The following SH3D19 variants were observed in gnomAD, a reference collection of about 807,000 sequenced individuals.
The protein encoded by SH3D19 is SH3 domain containing 19.
In SH3D19, 58 loss-of-function variants were observed where a neutral mutation model predicts 112.1. That is an observed-to-expected ratio of 0.52 (90% CI 0.42 to 0.64). SH3D19 has a LOEUF of 0.64. SH3D19 is among the 30% of genes least tolerant of loss of function. The pLI is 0.00. For synonymous variants in SH3D19, 391 were observed against 448.5 expected, an observed-to-expected ratio of 0.87 and a Z score of 1.62; for missense variants, 1,090 against 1,263.4, an observed-to-expected ratio of 0.86 and a Z score of 2.08.
chr4:151,135,718 C>T (rs937654864), intron 14 of SH3D19, among the ~76,000 whole-genome samples: 5 of 152,102 alleles, frequency 3.3e-5, no homozygotes, highest in Admixed American at 3.3e-4. Context: ...TGTGAGCTGC[C>T]GCACCCTGCC....
At chr4:151,148,267 A>G in intron 10 of SH3D19, 81 bp from the exon 11 acceptor site, 4 of 412,362 alleles carry the variant, frequency 9.7e-6, no homozygotes, top group Non-Finnish European at 1.5e-5. Flanking sequence ...ACACACACAC[A>G]CACACACACA....
intron 11 of SH3D19, chr4:151,144,406 T>A: frequency 1.2e-6 from 1 of 842,100 alleles, no homozygotes; most frequent in Non-Finnish European, 2.0e-6. Flanking sequence ...GCAGCTAAAC[T>A]CACCTGGCTT....
At chr4:151,140,046 G>A in intron 12 of SH3D19, 199 bp from the exon 13 acceptor site, 1 of 521,654 alleles carries the variant, frequency 1.9e-6, no homozygotes, top group South Asian at 2.9e-5. Flanking sequence ...TGCTAAGGGA[G>A]GATGAAAATC....
intron 15 of SH3D19, among the ~76,000 whole-genome samples, chr4:151,134,144 G>A (rs2149742628): frequency 6.6e-6 from 1 of 152,320 alleles, no homozygotes; most frequent in South Asian, 2.1e-4. Flanking sequence ...GAGAAAAACT[G>A]AATCTGAAAT....
chr4:151,166,494 CT>C (rs545395405), intron 7 of SH3D19, among the ~76,000 whole-genome samples: 7,627 of 141,856 alleles, frequency 0.054, 249 homozygotes, highest in Non-Finnish European at 0.064. Flanking sequence ...AATGACTATA[CT>C]TTTTTTTTTT....
intron 1 of SH3D19, among the ~76,000 whole-genome samples, chr4:151,274,983 G>T (rs1042066180): frequency 3.3e-5 from 5 of 152,030 alleles, no homozygotes; most frequent in Non-Finnish European, 7.4e-5. Flanking sequence ...TATGAGATTA[G>T]AACCCAACCT....
At chr4:151,287,457 A>C (rs1774920027) in intron 1 of SH3D19, among the ~76,000 whole-genome samples, 1 of 152,216 alleles carries the variant, frequency 6.6e-6, no homozygotes, top group Non-Finnish European at 1.5e-5. Flanking sequence ...ATCTTTTATG[A>C]ACAGAGGTGT....
rs1218968849 is a variant in SH3D19 at position 151,120,843 on chromosome 4, T to C, written c.*1248A>G. On this transcript the variant is annotated 3_prime_UTR_variant, in exon 20 of 20. Coordinates refer to ENST00000604030, the MANE Select transcript of SH3D19 (RefSeq NM_001378122.1). The stretch of plus-strand genomic sequence containing the variant: ...AAACAGAAGAAAGTCATGACCATTG[T>C]TGGGAAAGTGTTTTACATTTCCAAT... 6.6e-6 allele frequency: 1 copy of C among 152,666 alleles called. No individual in the cohort carries two copies. Among genetic ancestry groups the C allele is most frequent in the African/African-American group, 2.4e-5 (1 of 41,472 alleles). 9.5% of individuals were successfully genotyped at this position (152,666 alleles called of 1,614,324 possible).
At chr4:151,296,044 A>AAAAAG (rs1383053821) in intron 1 of SH3D19, among the ~76,000 whole-genome samples, 2,061 of 150,840 alleles carry the variant, frequency 0.014, 34 homozygotes, top group African/African-American at 0.034. Flanking sequence ...CAAAAAAAAA[A>AAAAAG]AAAGAAAGAA....
In SH3D19 at chr4:151,309,301, A is replaced by G. The variant is rs981499862; in HGVS notation, c.112+15940T>C. Among the ~76,000 whole-genome samples, 8 of 152,250 alleles carry G rather than the reference A, an allele frequency of 5.3e-5. No individual in the cohort carries two copies. The East Asian group carries it at 5.8e-4, about 11-fold the overall frequency. Reference sequence around the variant, plus strand: ...ACAGTGCTTTCCAGTTACTTCAATGATAACTCACCACACTGTTCTTTATGT... The same window carrying G: ...ACAGTGCTTTCCAGTTACTTCAATGGTAACTCACCACACTGTTCTTTATGT... On this transcript the variant is annotated intron_variant, in intron 1 of 19. Transcript: ENST00000604030.
chr4:151,201,615 G>T (rs1016224727), intron 2 of SH3D19, among the ~76,000 whole-genome samples: 1 of 152,172 alleles, frequency 6.6e-6, no homozygotes, highest in East Asian at 1.9e-4. Flanking sequence ...GGAACATCTG[G>T]AGTCTTTAAA....
chr4:151,277,755 T>C (rs1045804809), intron 1 of SH3D19, among the ~76,000 whole-genome samples: 3 of 151,978 alleles, frequency 2.0e-5, no homozygotes, highest in Admixed American at 1.3e-4. Flanking sequence ...AGGAAGGGTA[T>C]ACTGGCCAGG....
intron 17 of SH3D19, among the ~76,000 whole-genome samples, chr4:151,131,529 C>A (rs2083737128): frequency 6.6e-6 from 1 of 150,454 alleles, no homozygotes; most frequent in Admixed American, 6.6e-5. Context: ...CTCTGTCTCC[C>A]AGGCGGGAGT....
intron 2 of SH3D19, among the ~76,000 whole-genome samples, chr4:151,189,984 A>T (rs959191335): frequency 6.6e-6 from 1 of 152,208 alleles, no homozygotes; most frequent in Non-Finnish European, 1.5e-5. Context: ...CAAAATGCTG[A>T]TAATGATATG....
At chr4:151,200,716 C>T (rs904156562) in intron 2 of SH3D19, among the ~76,000 whole-genome samples, 1 of 152,216 alleles carries the variant, frequency 6.6e-6, no homozygotes, top group Non-Finnish European at 1.5e-5. Context: ...GGAGCTGTTA[C>T]ATTACGACAA....
chr4:151,160,321 T>A (rs1756933603), intron 8 of SH3D19, among the ~76,000 whole-genome samples: 1 of 152,116 alleles, frequency 6.6e-6, no homozygotes, highest in Non-Finnish European at 1.5e-5. Flanking sequence ...TCTCCTGACC[T>A]CGTGATCCGC....
At chr4:151,144,278 G>A (rs760895293) in intron 11 of SH3D19, 2 of 1,613,902 alleles carry the variant, frequency 1.2e-6, no homozygotes, top group South Asian at 1.1e-5. Flanking sequence ...AATTCCATGA[G>A]GCACAGACAG....
chr4:151,187,564 C>T lies in SH3D19; in HGVS notation c.153-101G>A, dbSNP rs865783521. On this transcript the variant is annotated intron_variant, in intron 2 of 19. Transcript: ENST00000604030. ...TCTGGGATTCAATATGGTGCTAAGC[C>T]ACAAGTTTGATACATTATTTACTGG... is the stretch of plus-strand genomic sequence containing the variant. 7 of 603,808 alleles carry T rather than the reference C, an allele frequency of 1.2e-5. No individual in the cohort carries two copies. The South Asian group carries it at 5.1e-4, about 44-fold the overall frequency. 37.4% of individuals were successfully genotyped at this position (603,808 alleles called of 1,614,324 possible).
At chr4:151,275,768 C>T (rs79527999) in intron 1 of SH3D19, among the ~76,000 whole-genome samples, 2 of 152,184 alleles carry the variant, frequency 1.3e-5, no homozygotes, top group Middle Eastern at 3.4e-3. Context: ...GGATCCTCCC[C>T]GTTCAGCCTT....
Sources: gnomAD v4.1 joint callset for allele counts (sites outside exome capture counted in the v4.1 genomes callset) on GRCh38, gnomAD v4.1.1 for gene constraint, MANE v1.5 for transcripts, NCBI Gene and HGNC (gene_info 2026-07-23, HGNC 2026-07-21) for gene names.